The following NSD3 variants were observed in gnomAD, a reference collection of about 807,000 sequenced individuals.
NSD3 encodes nuclear receptor binding SET domain protein 3.
NSD3 carries 24 observed loss-of-function variants against 160.8 expected under a neutral mutation model. The observed-to-expected ratio is 0.15, with a 90% CI of 0.11 to 0.21. The LOEUF is 0.21. NSD3 is among the 10% of genes least tolerant of loss of function. The pLI is 1.00. For missense variants in NSD3, 1,157 were observed against 1,735.9 expected (o/e 0.67, Z 5.93); for synonymous variants, 520 against 600.0 (o/e 0.87, Z 1.95).
rs905785421 is a variant in NSD3 at position 38,271,072 on chromosome 8, T to A, written c.*4569A>T. On this transcript the variant is annotated 3_prime_UTR_variant, in exon 24 of 24. Coordinates refer to ENST00000317025, the MANE Select transcript of NSD3 (RefSeq NM_023034.2). Reference sequence around the variant, plus strand: ...GGAGAGGGTTGACAAAATGACAAAATAAAGAATGTACATAAAAAGTATTTG... The same window carrying A: ...GGAGAGGGTTGACAAAATGACAAAAAAAAGAATGTACATAAAAAGTATTTG... The A allele has an allele frequency of 6.6e-6, 1 of 151,962 alleles. No homozygotes were observed. The highest frequency in any genetic ancestry group is 2.4e-5 in the African/African-American group (1 of 41,376). The allele number at this position is 151,962 out of a possible 1,614,324, so 9.4% of individuals were successfully genotyped here.
At position 38,329,870 on chromosome 8, in the gene NSD3, T is replaced by C. The variant is rs764287809; in HGVS notation, c.1089A>G (p.Arg363=). ...TGCCAATATCCCACTGAGCACGTTC[T>C]CTCTGAGGTCGGGGTTTCCGAATCT... ...KQKIRKPRPQ[R]ERAQWDIGIA... Residue 363 remains arginine, a synonymous_variant, in exon 6 of 24, where the codon AGA becomes AGG. Transcript: ENST00000317025. This position sits in a 1 kb window ranked among gnomAD's most constrained non-coding sequence, Gnocchi z 4.8. The C allele has an allele frequency of 1.3e-6, 2 of 1,595,708 alleles. No homozygotes were observed. The highest frequency in any genetic ancestry group is 8.5e-7 in the Non-Finnish European group (1 of 1,171,798).
chr8:38,378,880 GA>G (rs1269153006), intron 1 of NSD3, among the ~76,000 whole-genome samples: 1 of 151,246 alleles, frequency 6.6e-6, no homozygotes, highest in Non-Finnish European at 1.5e-5. Flanking sequence ...AGGATAAAAG[GA>G]AATCATGCAT....
chr8:38,376,337 T>G (rs1811386197), intron 1 of NSD3, among the ~76,000 whole-genome samples: 2 of 152,132 alleles, frequency 1.3e-5, no homozygotes, highest in Non-Finnish European at 2.9e-5. Context: ...ATCTCTTGCC[T>G]CACTGCAGCT....
intron 16 of NSD3, among the ~76,000 whole-genome samples, chr8:38,294,097 T>C (rs1354345057): frequency 2.0e-5 from 3 of 152,128 alleles, no homozygotes; most frequent in African/African-American, 7.2e-5. Context: ...TTTTTGTTGT[T>C]GTTTTTTTCT....
rs1253898682 is a variant in NSD3 at position 38,338,554 on chromosome 8, T to C, written c.729A>G (p.Val243=). 1 of 1,613,932 alleles carries C rather than the reference T, an allele frequency of 6.2e-7. No homozygotes were observed. The highest frequency in any genetic ancestry group is 2.2e-5 in the East Asian group (1 of 44,838). The change falls in exon 3 of 24, where the codon GTA becomes GTG. Residue 243 remains valine, a synonymous_variant. Transcript: ENST00000317025. The stretch of plus-strand genomic sequence containing the variant: ...AACTTACTGGGGCTTCCTCTTTTAG[T>C]ACTGGTTCTTCCCTTGGTTTTTCTG... ...TVSEKPREEP[V]LKEEAPVQPI... is the part of the protein sequence containing the mutation.
intron 5 of NSD3, among the ~76,000 whole-genome samples, chr8:38,330,212 T>C (rs1810022462): frequency 6.6e-6 from 1 of 152,116 alleles, no homozygotes; most frequent in Admixed American, 6.6e-5. Flanking sequence ...ATTACAGAAA[T>C]GGTTATTTTC....
At chr8:38,297,214 A>T (rs1181484368) in intron 15 of NSD3, among the ~76,000 whole-genome samples, 1 of 152,190 alleles carries the variant, frequency 6.6e-6, no homozygotes, top group African/African-American at 2.4e-5. Flanking sequence ...TCCCTATCAA[A>T]ACTCTTTCCT....
chr8:38,337,902 A>C (rs980186485), intron 3 of NSD3, among the ~76,000 whole-genome samples: 10 of 152,216 alleles, frequency 6.6e-5, no homozygotes, highest in African/African-American at 2.4e-4. Context: ...CTCCTATCTA[A>C]AACTAGCAAA....
In NSD3 at chr8:38,329,679, T is replaced by C. The variant is rs1001818227; in HGVS notation, c.1280A>G (p.Asn427Ser). The stretch of plus-strand genomic sequence containing the variant: ...TGCATTGGTCTGTTCTGGCTGAGTA[T>C]TCAGCACAGATCTTGGTCGTCGGGT... ...KKTRRPRSVL[N>S]TQPEQTNAGE... Residue 427 changes from asparagine to serine, a missense_variant, in exon 6 of 24, where the codon AAT (asparagine) becomes AGT (serine). Coordinates refer to ENST00000317025, the MANE Select transcript of NSD3 (RefSeq NM_023034.2). This position sits in a 1 kb window ranked among gnomAD's most constrained non-coding sequence, Gnocchi z 4.8. 5.6e-6 allele frequency: 9 copies of C among 1,614,270 alleles called. No individual in the cohort carries two copies. Among genetic ancestry groups the C allele is most frequent in the Non-Finnish European group, 7.6e-6 (9 of 1,180,052 alleles).
rs578019432 is a variant in NSD3, at chr8:38,309,046, T to C, written c.2243-3601A>G. On this transcript the variant is annotated intron_variant, in intron 12 of 23. Transcript: ENST00000317025. The stretch of plus-strand genomic sequence containing the variant: ...GTCAGTGGCTAGGCACAGTGACACA[T>C]GCCTGTAATCCCAGCACTTTGGGAG... Among the ~76,000 whole-genome samples, 4 of 151,930 alleles carry C rather than the reference T, an allele frequency of 2.6e-5. No individual in the cohort carries two copies. The South Asian group carries it at 8.3e-4, about 32-fold the overall frequency.
chr8:38,294,729 G>A (rs1809089770), intron 16 of NSD3, among the ~76,000 whole-genome samples: 1 of 152,046 alleles, frequency 6.6e-6, no homozygotes, highest in South Asian at 2.1e-4. Context: ...TATAATTCTA[G>A]CACTTTGGGA....
chr8:38,343,136 G>A (rs1164628436), intron 2 of NSD3, among the ~76,000 whole-genome samples: 7 of 151,866 alleles, frequency 4.6e-5, no homozygotes, highest in Non-Finnish European at 1.0e-4. Flanking sequence ...GCAAGAGGTT[G>A]CAGTGAGCCG....
intron 23 of NSD3, 41 bp from the exon 24 acceptor site, chr8:38,275,923 A>C: frequency 6.4e-7 from 1 of 1,567,998 alleles, no homozygotes; most frequent in Non-Finnish European, 8.7e-7. Context: ...GAAGTGCCCA[A>C]GTTAGTGCCT....
chr8:38,295,998 GA>G, intron 15 of NSD3, 46 bp from the exon 16 acceptor site: 3 of 1,505,554 alleles, frequency 2.0e-6, no homozygotes, highest in Non-Finnish European at 2.7e-6. Context: ...AGAGGAGAGA[GA>G]AAAAGAAAGA....
At chr8:38,303,558 T>C (rs1809326391) in intron 14 of NSD3, among the ~76,000 whole-genome samples, 1 of 152,228 alleles carries the variant, frequency 6.6e-6, no homozygotes, top group African/African-American at 2.4e-5. Flanking sequence ...CTCCAAGTAA[T>C]GTTTTCATAA....
chr8:38,342,929 C>T (rs888704574), intron 2 of NSD3, among the ~76,000 whole-genome samples: 1 of 151,938 alleles, frequency 6.6e-6, no homozygotes, highest in Admixed American at 6.6e-5. Context: ...CCGTGGCTCA[C>T]GCCTGTAATC....
Position 38,317,031 on chromosome 8 carries a change from A to C in NSD3, c.1856-989T>G. ...TTTTCCCCCAAAATTTCCATACAAC[A>C]AACAGACATCTAGATCAACCCAGCA... On this transcript the variant is annotated intron_variant, in intron 9 of 23. Coordinates refer to ENST00000317025, the MANE Select transcript of NSD3 (RefSeq NM_023034.2). This position sits in a 1 kb window ranked among gnomAD's most constrained non-coding sequence, Gnocchi z 5.3. 9.4e-7 allele frequency: 1 copy of C among 1,059,840 alleles called. No homozygotes were observed. Among genetic ancestry groups the C allele is most frequent in the Non-Finnish European group, 1.1e-6 (1 of 875,918 alleles). The allele number at this position is 1,059,840 out of a possible 1,614,324, so 65.7% of individuals were successfully genotyped here. A position where few individuals can be genotyped will look rare whatever the true frequency, so the allele number is the denominator to read the frequency against.
intron 15 of NSD3, 136 bp from the exon 16 acceptor site, chr8:38,296,088 T>A: frequency 1.1e-6 from 1 of 881,000 alleles, no homozygotes. Context: ...GAGTCATATC[T>A]ACAGTGATGG....
At chr8:38,372,697 T>C (rs1288464272) in intron 1 of NSD3, among the ~76,000 whole-genome samples, 1 of 150,222 alleles carries the variant, frequency 6.7e-6, no homozygotes, top group Admixed American at 6.6e-5. Context: ...GGTTTCGCCA[T>C]GTTGGCCAGG....
Sources: allele counts gnomAD v4.1 joint callset (sites outside exome capture counted in the v4.1 genomes callset), GRCh38; gene constraint gnomAD v4.1.1; non-coding constraint Gnocchi (gnomAD v3.1); transcripts MANE v1.5; gene names NCBI Gene and HGNC (gene_info 2026-07-23, HGNC 2026-07-21).